CRLF3: variants seen among roughly 807,000 people sequenced by gnomAD.
The protein encoded by CRLF3 is cytokine receptor-like factor 3.
A neutral mutation model predicts 55.0 loss-of-function variants in CRLF3; 33 were observed. The ratio of observed to expected loss-of-function variants is 0.60; its 90% CI spans 0.46 to 0.80. CRLF3 has a LOEUF of 0.80. CRLF3 is among the 30% of genes least tolerant of loss of function. The pLI is 0.00. For missense variants in CRLF3, 494 were observed against 538.4 expected, an observed-to-expected ratio of 0.92 and a Z score of 0.82; for synonymous variants, 238 against 196.8, an observed-to-expected ratio of 1.21 and a Z score of -1.75.
At chr17:30,806,118 AT>A (rs1904395519) in intron 1 of CRLF3, among the ~76,000 whole-genome samples, 1 of 152,182 alleles carries the variant, frequency 6.6e-6, no homozygotes, top group African/African-American at 2.4e-5. Context: ...ACCAAAAATT[AT>A]TTAAAAACCA....
intron 1 of CRLF3, 89 bp downstream of exon 1, chr17:30,824,434 A>C: frequency 1.1e-5 from 14 of 1,262,482 alleles, no homozygotes; most frequent in Non-Finnish European, 1.5e-5. Context: ...GTTTTCGGAC[A>C]GTCCCACCCC....
intron 2 of CRLF3, among the ~76,000 whole-genome samples, chr17:30,803,377 A>G (rs1187122709): frequency 1.3e-5 from 2 of 152,118 alleles, no homozygotes; most frequent in Admixed American, 6.6e-5. Context: ...GCGATACCTA[A>G]CGGTATATCT....
chr17:30,796,828 ACT>A (rs1419939512), intron 3 of CRLF3, among the ~76,000 whole-genome samples: 1 of 150,436 alleles, frequency 6.6e-6, no homozygotes, highest in African/African-American at 2.5e-5. Context: ...GATTCAAGCG[ACT>A]CTCTTGCCTC....
Position 30,824,673 on chromosome 17 carries a change from C to A in CRLF3, c.-22G>T, listed in dbSNP as rs776694077. ...TCATCTGGCCGCGCGGCCGGCGAAA[C>A]CTAGCGCGGGTTCCCGACTGCACCG... On this transcript the variant is annotated 5_prime_UTR_variant, in exon 1 of 8. Coordinates refer to ENST00000324238, the MANE Select transcript of CRLF3 (RefSeq NM_015986.4). 1 of 1,583,142 alleles carries A rather than the reference C, an allele frequency of 6.3e-7. No individual in the cohort carries two copies. Among genetic ancestry groups the A allele is most frequent in the East Asian group, 2.3e-5 (1 of 42,728 alleles).
At chr17:30,798,522 G>A (rs977571018) in intron 2 of CRLF3, among the ~76,000 whole-genome samples, 1 of 152,046 alleles carries the variant, frequency 6.6e-6, no homozygotes, top group Non-Finnish European at 1.5e-5. Context: ...GAGACCATAT[G>A]ACCTTCTCCT....
At chr17:30,811,741 T>C (rs1442778961) in intron 1 of CRLF3, among the ~76,000 whole-genome samples, 5 of 134,476 alleles carry the variant, frequency 3.7e-5, no homozygotes, top group African/African-American at 5.8e-5. Flanking sequence ...GAGGTGGAGG[T>C]TGCAGTGAGC....
intron 4 of CRLF3, among the ~76,000 whole-genome samples, chr17:30,795,338 A>G (rs1363415402): frequency 1.3e-5 from 2 of 151,166 alleles, no homozygotes; most frequent in Admixed American, 6.6e-5. Context: ...AAAATACTAA[A>G]AATACAAACT....
intron 2 of CRLF3, among the ~76,000 whole-genome samples, chr17:30,801,679 T>C (rs1048211881): frequency 2.0e-5 from 3 of 151,842 alleles, no homozygotes; most frequent in African/African-American, 7.3e-5. Context: ...GATCCTCCCA[T>C]CTTGACATCC....
At chr17:30,819,480 T>C (rs557564583) in intron 1 of CRLF3, among the ~76,000 whole-genome samples, 16 of 152,296 alleles carry the variant, frequency 1.1e-4, no homozygotes, top group Non-Finnish European at 2.2e-4. Flanking sequence ...TTATCTCTAC[T>C]TACGTTTTTG....
At chr17:30,824,312 A>C (rs1597937553) in intron 1 of CRLF3, among the ~76,000 whole-genome samples, 2 of 147,118 alleles carry the variant, frequency 1.4e-5, no homozygotes, top group Non-Finnish European at 1.5e-5. Context: ...CGCTCCTCAC[A>C]CCCTCCCTCC....
intron 4 of CRLF3, among the ~76,000 whole-genome samples, chr17:30,795,916 C>T (rs1971909712): frequency 6.6e-6 from 1 of 152,048 alleles, no homozygotes; most frequent in South Asian, 2.1e-4. Context: ...GAGATCACGC[C>T]ACTTCACTCC....
intron 1 of CRLF3, among the ~76,000 whole-genome samples, chr17:30,819,855 G>A (rs1567669858): frequency 6.6e-6 from 1 of 152,152 alleles, no homozygotes; most frequent in Non-Finnish European, 1.5e-5. Flanking sequence ...AGCCACCAAA[G>A]GAAAGAGGAA....
At chr17:30,814,600 T>C (rs1417086864) in intron 1 of CRLF3, among the ~76,000 whole-genome samples, 3 of 150,990 alleles carry the variant, frequency 2.0e-5, no homozygotes, top group African/African-American at 7.3e-5. Flanking sequence ...GAGGTTACGC[T>C]GAGCTGAGAT....
chr17:30,797,980 ATGTTG>A (rs1567663021), intron 2 of CRLF3, among the ~76,000 whole-genome samples: 2 of 109,846 alleles, frequency 1.8e-5, no homozygotes, highest in African/African-American at 7.0e-5. Context: ...AGGTCTCACT[ATGTTG>A]CCCAGGCTGG....
At chr17:30,805,713 CAAA>C (rs58852260) in intron 1 of CRLF3, among the ~76,000 whole-genome samples, 7 of 70,968 alleles carry the variant, frequency 9.9e-5, no homozygotes, top group Non-Finnish European at 9.0e-5. Flanking sequence ...GACTCCGTCT[CAAA>C]AAAAAAAAAA....
At chr17:30,807,679 C>T (rs1448540381) in intron 1 of CRLF3, among the ~76,000 whole-genome samples, 1 of 151,764 alleles carries the variant, frequency 6.6e-6, no homozygotes, top group Non-Finnish European at 1.5e-5. Flanking sequence ...ATTACAGGCG[C>T]ATGCCACCAC....
chr17:30,807,517 C>CTTTTTTTTTTTTTTTTT (rs778842582), intron 1 of CRLF3, among the ~76,000 whole-genome samples: 1 of 62,972 alleles, frequency 1.6e-5, no homozygotes, highest in Non-Finnish European at 2.9e-5. Context: ...ATTTTCTTTC[C>CTTTTTTTTTTTTTTTTT]TTTTTTTTTT....
intron 3 of CRLF3, 99 bp from the exon 4 acceptor site, chr17:30,796,436 C>G (rs772274150): frequency 2.6e-5 from 22 of 841,344 alleles, no homozygotes; most frequent in Non-Finnish European, 3.7e-5. Context: ...GATCCTGAAG[C>G]CCCCAGTAAT....
At chr17:30,811,141 A>G (rs567638186) in intron 1 of CRLF3, among the ~76,000 whole-genome samples, 2 of 152,134 alleles carry the variant, frequency 1.3e-5, no homozygotes, top group African/African-American at 4.8e-5. Flanking sequence ...ACACAAAACT[A>G]TTTGCTAACA....
Sources: gnomAD v4.1 joint callset for allele counts (sites outside exome capture counted in the v4.1 genomes callset) on GRCh38, gnomAD v4.1.1 for gene constraint, MANE v1.5 for transcripts, NCBI Gene and HGNC (gene_info 2026-07-23, HGNC 2026-07-21) for gene names.